Variants in PLXNA2 observed in about 807,000 individuals in gnomAD.
The protein encoded by PLXNA2 is plexin A2.
A neutral mutation model predicts 193.5 loss-of-function variants in PLXNA2; 91 were observed. The observed-to-expected ratio is 0.47, with a 90% CI of 0.40 to 0.56. PLXNA2 has a LOEUF of 0.56. Among genes scored for constraint, PLXNA2 ranks in the 20% least tolerant of loss-of-function variants. The pLI, the probability that PLXNA2 is intolerant of heterozygous loss-of-function variation, is 0.00. For missense variants in PLXNA2, 1,995 were observed against 2,503.2 expected (o/e 0.80, Z 4.33); for synonymous variants, 997 against 1,027.3 (o/e 0.97, Z 0.56).
intron 4 of PLXNA2, among the ~76,000 whole-genome samples, chr1:208,122,329 G>A (rs900336307): frequency 2.0e-5 from 3 of 152,144 alleles, no homozygotes; most frequent in Non-Finnish European, 4.4e-5. Flanking sequence ...TGGAGAATAG[G>A]CTCTGAGGCC....
At chr1:208,154,105 G>T (rs902011172) in intron 3 of PLXNA2, among the ~76,000 whole-genome samples, 31 of 152,158 alleles carry the variant, frequency 2.0e-4, no homozygotes, top group African/African-American at 7.0e-4. Flanking sequence ...TGCCATCACT[G>T]CTCCAAGACC....
At chr1:208,207,080 A>G (rs1670753495) in intron 3 of PLXNA2, among the ~76,000 whole-genome samples, 2 of 152,248 alleles carry the variant, frequency 1.3e-5, no homozygotes, top group Middle Eastern at 3.4e-3. Context: ...ATCTTGGCTC[A>G]CTGCAACCTC....
intron 3 of PLXNA2, among the ~76,000 whole-genome samples, chr1:208,171,453 GGAAA>G (rs1357213606): frequency 6.6e-6 from 1 of 152,168 alleles, no homozygotes; most frequent in Non-Finnish European, 1.5e-5. Flanking sequence ...TGTAGCAGAA[GGAAA>G]ATGGGGGCAG....
intron 5 of PLXNA2, among the ~76,000 whole-genome samples, chr1:208,099,185 T>G (rs894399085): frequency 2.0e-5 from 3 of 152,132 alleles, no homozygotes; most frequent in African/African-American, 7.2e-5. Flanking sequence ...ATCCCCAACA[T>G]GAGAGATCCA....
rs201813522 is a variant in PLXNA2 at position 208,042,112 on chromosome 1, C to T, written c.4272G>A (p.Lys1424=). 52 of 1,614,030 alleles carry T rather than the reference C, an allele frequency of 3.2e-5. No homozygotes were observed. The Admixed American group carries it at 4.2e-4, about 13-fold the overall frequency. The stretch of plus-strand genomic sequence containing the variant: ...GCGGGCCAGACCTCCGGAGTAGCAG[C>T]TTGGGGTGGTTCTTGTTCTCCAGGT... The part of the protein sequence containing the change: ...DKNLENKNHP[K]LLLRRTESVA... Residue 1424 remains lysine (K), a synonymous_variant, in exon 22 of 32, where the codon AAG becomes AAA. Coordinates refer to ENST00000367033, the MANE Select transcript of PLXNA2 (RefSeq NM_025179.4).
chr1:208,133,666 A>T (rs943612432), intron 4 of PLXNA2, among the ~76,000 whole-genome samples: 3 of 152,064 alleles, frequency 2.0e-5, no homozygotes, highest in African/African-American at 7.2e-5. Flanking sequence ...ATCTTCAGGA[A>T]CTCTCTTGGG....
At chr1:208,170,902 A>G (rs3860297) in intron 3 of PLXNA2, among the ~76,000 whole-genome samples, 93,851 of 152,060 alleles carry the variant, frequency 0.62, 29,772 homozygotes, top group East Asian at 0.99. Flanking sequence ...CAGTGCAGAG[A>G]GCAAGACAGA....
At chr1:208,218,124 G>T (rs1218626718) in intron 1 of PLXNA2, 122 bp from the exon 2 acceptor site, 3 of 812,422 alleles carry the variant, frequency 3.7e-6, no homozygotes, top group Non-Finnish European at 5.7e-6. Context: ...CTGCATTTTG[G>T]TTTTTCTATT....
intron 12 of PLXNA2, among the ~76,000 whole-genome samples, chr1:208,063,157 C>T (rs1344979856): frequency 1.3e-5 from 2 of 152,182 alleles, no homozygotes; most frequent in Non-Finnish European, 2.9e-5. Context: ...TTCTTTTGCT[C>T]GCTGCAGTTA....
At chr1:208,226,327 G>T (rs73082018) in intron 1 of PLXNA2, among the ~76,000 whole-genome samples, 1 of 151,912 alleles carries the variant, frequency 6.6e-6, no homozygotes. Context: ...TGCTTTTAAC[G>T]TCAGGGAGAG....
intron 3 of PLXNA2, among the ~76,000 whole-genome samples, chr1:208,148,441 C>A (rs994672505): frequency 9.2e-5 from 14 of 152,156 alleles, no homozygotes; most frequent in African/African-American, 3.4e-4. Context: ...CTTTCATTGG[C>A]TGTGTGACTT....
chr1:208,094,241 T>A (rs1203243677), intron 8 of PLXNA2, among the ~76,000 whole-genome samples: 1 of 152,218 alleles, frequency 6.6e-6, no homozygotes, highest in Non-Finnish European at 1.5e-5. Flanking sequence ...GATGTGGCTC[T>A]TCCGCTGGCT....
At chr1:208,194,416 G>A (rs566622634) in intron 3 of PLXNA2, among the ~76,000 whole-genome samples, 2 of 130,298 alleles carry the variant, frequency 1.5e-5, no homozygotes, top group Admixed American at 1.8e-4. Context: ...GCAGGTTTAT[G>A]AGATTAAAGC....
At chr1:208,075,195 C>T (rs1666107968) in intron 12 of PLXNA2, among the ~76,000 whole-genome samples, 1 of 151,972 alleles carries the variant, frequency 6.6e-6, no homozygotes, top group African/African-American at 2.4e-5. Flanking sequence ...CCTGTAGTAC[C>T]AGCTACTCGG....
At chr1:208,132,249 T>C (rs971063594) in intron 4 of PLXNA2, among the ~76,000 whole-genome samples, 2 of 152,212 alleles carry the variant, frequency 1.3e-5, no homozygotes, top group African/African-American at 4.8e-5. Context: ...GAGGAGTTAC[T>C]GAGTCTGTGC....
intron 4 of PLXNA2, among the ~76,000 whole-genome samples, chr1:208,121,020 G>A (rs1667792314): frequency 6.6e-6 from 1 of 152,182 alleles, no homozygotes; most frequent in South Asian, 2.1e-4. Flanking sequence ...CACCCATGTA[G>A]ATTTCCTTTG....
At chr1:208,205,964 G>A (rs1254371602) in intron 3 of PLXNA2, among the ~76,000 whole-genome samples, 1 of 152,190 alleles carries the variant, frequency 6.6e-6, no homozygotes, top group Non-Finnish European at 1.5e-5. Flanking sequence ...TTTATTTGCT[G>A]TGTGACTTTA....
intron 3 of PLXNA2, among the ~76,000 whole-genome samples, chr1:208,158,414 C>T (rs1312037953): frequency 6.6e-6 from 1 of 152,128 alleles, no homozygotes; most frequent in Non-Finnish European, 1.5e-5. Flanking sequence ...CCAAGATTCC[C>T]AAAAGAGAAG....
At chr1:208,048,567 A>G (rs899012741) in intron 17 of PLXNA2, among the ~76,000 whole-genome samples, 7 of 152,192 alleles carry the variant, frequency 4.6e-5, no homozygotes, top group Non-Finnish European at 8.8e-5. Flanking sequence ...ATCATGGTGC[A>G]TGGGGCTGGA....
Sources: allele counts gnomAD v4.1 joint callset (sites outside exome capture counted in the v4.1 genomes callset), GRCh38; gene constraint gnomAD v4.1.1; transcripts MANE v1.5; gene names NCBI Gene and HGNC (gene_info 2026-07-23, HGNC 2026-07-21).